Variants in HLCS observed in about 807,000 individuals in gnomAD.
The protein encoded by HLCS is biotin--protein ligase.
Under a neutral mutation model 75.0 loss-of-function variants are expected in HLCS, and 53 were observed. That is an observed-to-expected ratio of 0.71 (90% CI 0.57 to 0.89). The LOEUF (loss-of-function observed/expected upper bound fraction) is 0.89, where lower values mean the gene tolerates loss of function less well. Ranked by LOEUF, HLCS falls within the 40% of genes least tolerant of loss-of-function variation. The probability of loss-of-function intolerance (pLI) is 0.00; values close to 1 mark genes in which losing one functional copy is unlikely to be tolerated. For synonymous variants in HLCS, 431 were observed against 428.6 expected, an observed-to-expected ratio of 1.01 and a Z score of -0.07; for missense variants, 966 against 1,074.0, an observed-to-expected ratio of 0.90 and a Z score of 1.41.
chr21:36,764,197 G>A (rs2089952770), intron 8 of HLCS, among the ~76,000 whole-genome samples: 1 of 152,222 alleles, frequency 6.6e-6, no homozygotes, highest in East Asian at 1.9e-4. Flanking sequence ...AAGAGATTGA[G>A]ACCATCCTGG....
At position 36,838,330 on chromosome 21, in the gene HLCS, C is replaced by CACACACACA. The variant is rs1480562550; in HGVS notation, c.1892+58529_1892+58530insTGTGTGTGT. 6.4e-3 allele frequency among the ~76,000 whole-genome samples: 886 copies of CACACACACA among 138,562 alleles called. 11 individuals carry two copies. The highest frequency in any genetic ancestry group is 0.022 in the African/African-American group (844 of 38,270). The allele number at this position is 138,562 out of a possible 152,430, so 90.9% of individuals were successfully genotyped here. ...CACACACACACACACACACACACAC[C>CACACACACA]CCCACAACCAACTCCTAGTACCCAC... On this transcript the variant is annotated intron_variant, in intron 6 of 10. Transcript: ENST00000674895.
chr21:36,846,387 G>C (rs1311792037), intron 6 of HLCS, among the ~76,000 whole-genome samples: 1 of 152,122 alleles, frequency 6.6e-6, no homozygotes, highest in African/African-American at 2.4e-5. Context: ...GTCCTCCTGA[G>C]ACCTTTGGGA....
chr21:36,766,464 T>A (rs892681700), intron 7 of HLCS, among the ~76,000 whole-genome samples: 1 of 152,230 alleles, frequency 6.6e-6, no homozygotes, highest in African/African-American at 2.4e-5. Context: ...CAAAAACATT[T>A]TTTTTTTCCA....
chr21:36,945,853 T>C (rs2067368224), intron 2 of HLCS, among the ~76,000 whole-genome samples: 1 of 152,058 alleles, frequency 6.6e-6, no homozygotes, highest in South Asian at 2.1e-4. Context: ...TCCAGGCAGT[T>C]TGTTTGTCTC....
chr21:36,788,005 C>T (rs1441569212), intron 6 of HLCS, among the ~76,000 whole-genome samples: 2 of 152,166 alleles, frequency 1.3e-5, no homozygotes, highest in Non-Finnish European at 2.9e-5. Flanking sequence ...TGACTTGAGT[C>T]TGATCATGGG....
chr21:36,933,302 C>CA, intron 4 of HLCS, among the ~76,000 whole-genome samples: 1 of 152,034 alleles, frequency 6.6e-6, no homozygotes, highest in Non-Finnish European at 1.5e-5. Context: ...GGCAGAAAAG[C>CA]AAAACCCTCT....
chr21:36,947,644 T>C (rs1601841940), intron 2 of HLCS: 5 of 985,420 alleles, frequency 5.1e-6, no homozygotes, highest in African/African-American at 3.5e-5. Context: ...AGAAATCTGT[T>C]AAGTAACTAA....
At chr21:36,811,841 G>A (rs1189640280) in intron 6 of HLCS, among the ~76,000 whole-genome samples, 4 of 152,172 alleles carry the variant, frequency 2.6e-5, no homozygotes, top group Non-Finnish European at 2.9e-5. Context: ...AAAGGGTGGA[G>A]GACTGGCAGC....
chr21:36,777,071 A>G (rs1201209918), intron 6 of HLCS, among the ~76,000 whole-genome samples: 1 of 152,156 alleles, frequency 6.6e-6, no homozygotes, highest in African/African-American at 2.4e-5. Context: ...CGATTTCTGA[A>G]GCAGTCTTGG....
chr21:36,958,752 G>A (rs1406089648), intron 2 of HLCS, among the ~76,000 whole-genome samples: 1 of 149,262 alleles, frequency 6.7e-6, no homozygotes, highest in Non-Finnish European at 1.5e-5. Context: ...TCGCACCACT[G>A]CACTCCAGCC....
At chr21:36,925,133 ATG>A (rs1379138468) in intron 5 of HLCS, among the ~76,000 whole-genome samples, 2 of 152,166 alleles carry the variant, frequency 1.3e-5, no homozygotes, top group Non-Finnish European at 2.9e-5. Context: ...TCAAAATGAA[ATG>A]TCATAACTAG....
intron 6 of HLCS, among the ~76,000 whole-genome samples, chr21:36,807,844 C>G (rs1250176787): frequency 6.6e-6 from 1 of 152,098 alleles, no homozygotes; most frequent in Admixed American, 6.5e-5. Flanking sequence ...TAACAGGTCT[C>G]ATGACTCAAT....
intron 6 of HLCS, among the ~76,000 whole-genome samples, chr21:36,844,714 G>A (rs1304761977): frequency 1.3e-5 from 2 of 150,580 alleles, no homozygotes; most frequent in African/African-American, 4.9e-5. Flanking sequence ...TTTGTACTTG[G>A]CTGGATACTG....
chr21:36,980,137 G>A (rs1400341623), intron 1 of HLCS, among the ~76,000 whole-genome samples: 3 of 148,804 alleles, frequency 2.0e-5, no homozygotes, highest in African/African-American at 5.0e-5. Flanking sequence ...GCAGTGAGCT[G>A]CGATCACATC....
intron 6 of HLCS, among the ~76,000 whole-genome samples, chr21:36,837,675 G>T (rs572681994): frequency 2.6e-5 from 4 of 152,252 alleles, no homozygotes; most frequent in Non-Finnish European, 4.4e-5. Context: ...GAAGAATAAG[G>T]ATTAGTAAGA....
intron 5 of HLCS, among the ~76,000 whole-genome samples, chr21:36,903,176 A>G (rs2065310545): frequency 6.6e-6 from 1 of 152,148 alleles, no homozygotes. Context: ...CACAGTACTA[A>G]TTTTCGGTTT....
intron 6 of HLCS, among the ~76,000 whole-genome samples, chr21:36,893,163 A>C (rs546886714): frequency 8.9e-4 from 135 of 152,106 alleles, no homozygotes; most frequent in African/African-American, 3.1e-3. Context: ...CTCTGCCTCC[A>C]AAGTTCAAGC....
intron 6 of HLCS, among the ~76,000 whole-genome samples, chr21:36,769,593 T>C (rs1290021411): frequency 2.0e-5 from 3 of 152,246 alleles, no homozygotes; most frequent in Non-Finnish European, 4.4e-5. Context: ...AAGCTTTCTG[T>C]GAGTGGCAGC....
In HLCS at chr21:36,897,626, G is replaced by A. The variant is rs191426061; in HGVS notation, c.1621-495C>T. On this transcript the variant is annotated intron_variant, in intron 5 of 10. Transcript: ENST00000674895. ...CAGCCTCACATCTTAGAGAATCTCC[G>A]CTTCCTCTTGTAAAGACAAGGCAAG... Among the ~76,000 whole-genome samples, 501 of 152,254 alleles carry A rather than the reference G, an allele frequency of 3.3e-3. 3 individuals are homozygous for A. The highest frequency in any genetic ancestry group is 0.012 in the African/African-American group (480 of 41,542).
Sources: gnomAD v4.1 joint callset for allele counts (sites outside exome capture counted in the v4.1 genomes callset) on GRCh38, gnomAD v4.1.1 for gene constraint, MANE v1.5 for transcripts, NCBI Gene and HGNC (gene_info 2026-07-23, HGNC 2026-07-21) for gene names.